ENTPD1: variants seen among roughly 807,000 people sequenced by gnomAD.
The protein encoded by ENTPD1 is ATP diphosphohydrolase.
In ENTPD1, 33 loss-of-function variants were observed where a neutral mutation model predicts 57.0. The observed-to-expected ratio is 0.58, with a 90% confidence interval of 0.44 to 0.77. ENTPD1 has a LOEUF of 0.77. Among genes scored for constraint, ENTPD1 ranks in the 30% least tolerant of loss-of-function variants. The pLI is 0.00. For synonymous variants in ENTPD1, 202 were observed against 218.8 expected, an observed-to-expected ratio of 0.92 and a Z score of 0.68; for missense variants, 501 against 603.4, an observed-to-expected ratio of 0.83 and a Z score of 1.78.
At chr10:95,701,546 A>T in the ENTPD1 span, among the ~76,000 whole-genome samples, 2 of 152,180 alleles carry the variant, frequency 1.3e-5, no homozygotes, top group African/African-American at 4.8e-5. Context: ...AAAAATAGAG[A>T]AAAAGATTTA....
chr10:95,864,214 G>A (rs904223493), intron 8 of ENTPD1, among the ~76,000 whole-genome samples: 1 of 152,160 alleles, frequency 6.6e-6, no homozygotes, highest in African/African-American at 2.4e-5. Context: ...AAACTTTACT[G>A]TGCACGTGAA....
intron 1 of ENTPD1, among the ~76,000 whole-genome samples, chr10:95,772,253 T>C (rs2098118274): frequency 2.0e-5 from 3 of 152,172 alleles, no homozygotes. Context: ...AAGACAACAA[T>C]GATGTTTACC....
rs1051213502 is a variant in ENTPD1, at chr10:95,866,453, A to G, written c.*70A>G. 4 of 1,591,538 alleles carry G rather than the reference A, an allele frequency of 2.5e-6. No individual in the cohort carries two copies. In the African/African-American group the frequency reaches 5.4e-5, roughly 21 times the overall value. ...TCCAGGGAGCATTTTCCTCCATCGC[A>G]GTGTTCAAGGCCATCCTTCCCTGTC... On this transcript the variant is annotated 3_prime_UTR_variant, in exon 10 of 10. Transcript: ENST00000371205.
chr10:95,707,374 C>T (rs1430375120), upstream of ENTPD1, among the ~76,000 whole-genome samples: 1 of 152,188 alleles, frequency 6.6e-6, no homozygotes, highest in Non-Finnish European at 1.5e-5. Flanking sequence ...ACCTGGGTAG[C>T]TCCCACCCCA....
At chr10:95,784,725 G>A (rs1200598689) in intron 1 of ENTPD1, among the ~76,000 whole-genome samples, 1 of 152,172 alleles carries the variant, frequency 6.6e-6, no homozygotes, top group Non-Finnish European at 1.5e-5. Context: ...AATGAGGAAG[G>A]AGGAGAGAGA....
chr10:95,758,074 C>T (rs554312058), intron 1 of ENTPD1, among the ~76,000 whole-genome samples: 23 of 149,252 alleles, frequency 1.5e-4, no homozygotes, highest in Middle Eastern at 3.5e-3. Context: ...GTTTTTCTTC[C>T]AACCTACAGA....
chr10:95,876,746 T>C lies in ENTPD1; in HGVS notation c.*10363T>C, dbSNP rs2098486167. ...AGTAGAAAAATATAATACACATCCA[T>C]GTGCCCATCACAGAACTTCACTGAT... On this transcript the variant is annotated 3_prime_UTR_variant, in exon 10 of 10. Coordinates refer to ENST00000371205, the MANE Select transcript of ENTPD1 (RefSeq NM_001776.6). 2 of 837,334 alleles carry C rather than the reference T, an allele frequency of 2.4e-6. No homozygotes were observed. The highest frequency in any genetic ancestry group is 3.1e-6 in the Non-Finnish European group (2 of 650,572). 51.9% of individuals were successfully genotyped at this position (837,334 alleles called of 1,614,324 possible).
intron 1 of ENTPD1, among the ~76,000 whole-genome samples, chr10:95,758,885 A>G (rs901415567): frequency 2.0e-5 from 3 of 152,230 alleles, no homozygotes; most frequent in East Asian, 1.9e-4. Flanking sequence ...TCAGGTTTCA[A>G]TGACCTTCTC....
At chr10:95,757,017 C>G (rs1011635369) in intron 1 of ENTPD1, among the ~76,000 whole-genome samples, 1 of 152,202 alleles carries the variant, frequency 6.6e-6, no homozygotes, top group Non-Finnish European at 1.5e-5. Context: ...AGACGGAGAG[C>G]CAGCTGCTTG....
intron 1 of ENTPD1, among the ~76,000 whole-genome samples, chr10:95,723,083 G>A (rs1365014233): frequency 6.6e-6 from 1 of 152,146 alleles, no homozygotes; most frequent in Admixed American, 6.5e-5. Context: ...GGAAGGCTGC[G>A]GGTTGTCAGT....
intron 1 of ENTPD1, among the ~76,000 whole-genome samples, chr10:95,718,264 T>C (rs1165057767): frequency 6.6e-6 from 1 of 152,140 alleles, no homozygotes; most frequent in Non-Finnish European, 1.5e-5. Flanking sequence ...GGGAGGAAAC[T>C]ATGTCCTTGT....
At chr10:95,826,979 G>A (rs773711153) in intron 2 of ENTPD1, among the ~76,000 whole-genome samples, 4 of 152,112 alleles carry the variant, frequency 2.6e-5, no homozygotes, top group Non-Finnish European at 5.9e-5. Flanking sequence ...ATCAGATTTG[G>A]ACCTTTCTTT....
intron 8 of ENTPD1, among the ~76,000 whole-genome samples, chr10:95,861,095 A>C (rs999790090): frequency 6.6e-6 from 1 of 152,214 alleles, no homozygotes; most frequent in Admixed American, 6.5e-5. Flanking sequence ...ACCAGCTTAG[A>C]GCTTAGACCT....
At chr10:95,825,269 C>A (rs1376369232) in intron 2 of ENTPD1, among the ~76,000 whole-genome samples, 1 of 152,208 alleles carries the variant, frequency 6.6e-6, no homozygotes, top group East Asian at 1.9e-4. Context: ...GACATTGCCA[C>A]TTTAAAGCAT....
chr10:95,699,156 CA>C, the ENTPD1 span, among the ~76,000 whole-genome samples: 1 of 151,214 alleles, frequency 6.6e-6, no homozygotes. Context: ...CCCTGGGTGA[CA>C]AAGTCTCTTA....
chr10:95,796,234 G>A (rs576409351), intron 1 of ENTPD1, among the ~76,000 whole-genome samples: 1 of 152,262 alleles, frequency 6.6e-6, no homozygotes, highest in South Asian at 2.1e-4. Flanking sequence ...TTCTTAAGGT[G>A]CTCTGTCTCA....
At chr10:95,782,305 T>TA (rs1210385415) in intron 1 of ENTPD1, among the ~76,000 whole-genome samples, 1 of 152,236 alleles carries the variant, frequency 6.6e-6, no homozygotes, top group East Asian at 1.9e-4. Context: ...TTGGTTGATT[T>TA]ATTGAGTGAA....
At position 95,876,525 on chromosome 10, in the gene ENTPD1, A is replaced by G. The variant is rs1243429252; in HGVS notation, c.*10142A>G. On this transcript the variant is annotated 3_prime_UTR_variant, in exon 10 of 10. Transcript: ENST00000371205. ...TATCTCTTGGATTTTTACCTTTGCAATAGTCAACTGAACCATCTTCTTGGA... is the reference window on the plus strand; with the variant it reads ...TATCTCTTGGATTTTTACCTTTGCAGTAGTCAACTGAACCATCTTCTTGGA... The G allele has an allele frequency of 1.6e-6, 2 of 1,231,348 alleles. No individual in the cohort carries two copies. The highest frequency in any genetic ancestry group is 1.0e-6 in the Non-Finnish European group (1 of 987,766). The allele number at this position is 1,231,348 out of a possible 1,614,324, so 76.3% of individuals were successfully genotyped here. A position where few individuals can be genotyped will look rare whatever the true frequency, so the allele number is the denominator to read the frequency against.
Position 95,872,972 on chromosome 10 carries a change from G to A in ENTPD1, c.*6589G>A. On this transcript the variant is annotated 3_prime_UTR_variant, in exon 10 of 10. Transcript: ENST00000371205. ...CACATTATTAAAACAGAATTTTAAG[G>A]ATTAGAATGAACCTTAAAAGATCAT... is the stretch of plus-strand genomic sequence containing the variant. 1 of 985,276 alleles carries A rather than the reference G, an allele frequency of 1.0e-6. No individual in the cohort carries two copies. The highest frequency in any genetic ancestry group is 1.2e-6 in the Non-Finnish European group (1 of 829,898). The allele number at this position is 985,276 out of a possible 1,614,324, so 61.0% of individuals were successfully genotyped here. A position where few individuals can be genotyped will look rare whatever the true frequency, so the allele number is the denominator to read the frequency against.
Sources: gnomAD v4.1 joint callset for allele counts (sites outside exome capture counted in the v4.1 genomes callset) on GRCh38, gnomAD v4.1.1 for gene constraint, MANE v1.5 for transcripts, NCBI Gene and HGNC (gene_info 2026-07-23, HGNC 2026-07-21) for gene names.